RYR2: variants seen among roughly 807,000 people sequenced by gnomAD.
The protein encoded by RYR2 is ryanodine receptor 2.
RYR2 carries 227 observed loss-of-function variants against 601.1 expected under a neutral mutation model. That is an observed-to-expected ratio of 0.38 (90% confidence interval 0.34 to 0.42). RYR2 has a LOEUF of 0.42. RYR2 is among the 10% of genes least tolerant of loss of function. The probability of loss-of-function intolerance (pLI) is 1.00; values close to 1 mark genes in which losing one functional copy is unlikely to be tolerated. For synonymous variants in RYR2, 2,223 were observed against 2,175.1 expected, an observed-to-expected ratio of 1.02 and a Z score of -0.61; for missense variants, 4,646 against 6,156.5, an observed-to-expected ratio of 0.75 and a Z score of 8.21.
chr1:237,715,629 C>T (rs1296493001), intron 71 of RYR2, among the ~76,000 whole-genome samples: 1 of 152,068 alleles, frequency 6.6e-6, no homozygotes, highest in Non-Finnish European at 1.5e-5. Context: ...ACCAAAAGAA[C>T]TTTACAGGTT....
chr1:237,350,206 AGTAAAAGCTATAGGATG>A (rs1698640055), intron 3 of RYR2, among the ~76,000 whole-genome samples: 1 of 152,108 alleles, frequency 6.6e-6, no homozygotes. Flanking sequence ...TTACAGAAAG[AGTAAAAGCTATAGGATG>A]GTAAAGTTGT....
At chr1:237,139,388 T>C (rs922815019) in intron 1 of RYR2, among the ~76,000 whole-genome samples, 2 of 152,034 alleles carry the variant, frequency 1.3e-5, no homozygotes, top group Admixed American at 6.6e-5. Flanking sequence ...AGTGGGAGGA[T>C]TGGGTGGCTA....
intron 1 of RYR2, among the ~76,000 whole-genome samples, chr1:237,143,877 T>C (rs766833815): frequency 2.6e-5 from 4 of 152,150 alleles, no homozygotes; most frequent in Non-Finnish European, 5.9e-5. Context: ...TGAATAAATA[T>C]CCTAGCACTT....
At chr1:237,292,986 A>T (rs1315075275) in intron 2 of RYR2, among the ~76,000 whole-genome samples, 1 of 151,910 alleles carries the variant, frequency 6.6e-6, no homozygotes. Context: ...GATGAAAAAA[A>T]AAAAGTCTTT....
intron 20 of RYR2, among the ~76,000 whole-genome samples, chr1:237,498,796 A>C (rs560434307): frequency 1.1e-4 from 16 of 152,364 alleles, no homozygotes; most frequent in African/African-American, 3.4e-4. Context: ...AATTTAGTGA[A>C]TCTGTGGACA....
At chr1:237,130,204 C>A (rs1392184499) in intron 1 of RYR2, among the ~76,000 whole-genome samples, 2 of 152,072 alleles carry the variant, frequency 1.3e-5, no homozygotes. Context: ...TTGTACACAG[C>A]AAATATACAT....
chr1:237,247,585 G>T (rs1008458001), intron 1 of RYR2, among the ~76,000 whole-genome samples: 3 of 152,160 alleles, frequency 2.0e-5, no homozygotes, highest in African/African-American at 7.2e-5. Context: ...TAAGAAAAGG[G>T]GCTCAGATGA....
intron 2 of RYR2, among the ~76,000 whole-genome samples, chr1:237,326,321 A>G (rs570561771): frequency 6.6e-6 from 1 of 152,192 alleles, no homozygotes; most frequent in Non-Finnish European, 1.5e-5. Flanking sequence ...CTGCTGGCTT[A>G]AAGTCTGTTA....
At chr1:237,057,068 A>T (rs1662241028) in intron 1 of RYR2, among the ~76,000 whole-genome samples, 1 of 152,192 alleles carries the variant, frequency 6.6e-6, no homozygotes, top group African/African-American at 2.4e-5. Flanking sequence ...GAGAGGAGTG[A>T]CCCAGTGAGG....
intron 84 of RYR2, among the ~76,000 whole-genome samples, chr1:237,763,875 A>G (rs549428196): frequency 1.3e-5 from 2 of 152,326 alleles, no homozygotes; most frequent in East Asian, 3.9e-4. Context: ...AGATTCTGTA[A>G]AAGTTAAAAA....
chr1:237,387,807 T>C (rs967451849), intron 9 of RYR2, among the ~76,000 whole-genome samples: 10 of 152,208 alleles, frequency 6.6e-5, no homozygotes, highest in Admixed American at 2.6e-4. Flanking sequence ...CCAACTTACA[T>C]AGGTTCACAT....
At chr1:237,053,887 A>G (rs1193820690) in intron 1 of RYR2, among the ~76,000 whole-genome samples, 1 of 152,186 alleles carries the variant, frequency 6.6e-6, no homozygotes, top group Admixed American at 6.5e-5. Flanking sequence ...TCTCAGACTG[A>G]AAAGGATCTT....
intron 75 of RYR2, among the ~76,000 whole-genome samples, chr1:237,726,670 T>C (rs1433859054): frequency 1.3e-5 from 2 of 152,066 alleles, no homozygotes; most frequent in Non-Finnish European, 2.9e-5. Context: ...AATGGACATA[T>C]GAATAAGAAT....
rs375086252 is a variant in RYR2, at chr1:237,444,047, T to C, written c.1171-1354T>C. Among the ~76,000 whole-genome samples, 6 of 152,306 alleles carry C rather than the reference T, an allele frequency of 3.9e-5. No homozygotes were observed. The South Asian group carries it at 8.3e-4, about 21-fold the overall frequency. On this transcript the variant is annotated intron_variant, in intron 13 of 104. Coordinates refer to ENST00000366574, the MANE Select transcript of RYR2 (RefSeq NM_001035.3). ...CCCTGGAATACCCAGTTTTGTTTGGTTGGTTGATTTTTGGTTTTGCCATGG... is the reference window on the plus strand; with the variant it reads ...CCCTGGAATACCCAGTTTTGTTTGGCTGGTTGATTTTTGGTTTTGCCATGG...
intron 10 of RYR2, among the ~76,000 whole-genome samples, chr1:237,414,907 C>T (rs531651051): frequency 1.3e-5 from 2 of 152,304 alleles, no homozygotes; most frequent in South Asian, 4.1e-4. Flanking sequence ...TTCTACCTCA[C>T]CGAAGACTTG....
intron 84 of RYR2, among the ~76,000 whole-genome samples, chr1:237,764,147 A>G (rs1693652917): frequency 6.6e-6 from 1 of 152,220 alleles, no homozygotes; most frequent in Admixed American, 6.5e-5. Flanking sequence ...ATAAGCTCAA[A>G]TGCATGAACT....
At chr1:237,298,408 T>A (rs965271825) in intron 2 of RYR2, among the ~76,000 whole-genome samples, 7 of 152,102 alleles carry the variant, frequency 4.6e-5, no homozygotes, top group Non-Finnish European at 8.8e-5. Context: ...AGATTATCAA[T>A]GAGATGTGTG....
In RYR2 at chr1:237,148,537, T is replaced by A. The variant is rs1314548451; in HGVS notation, c.48+105968T>A. ...AAGTAAAAAAAAAAAAATATATATATATATATATATATATATACACACACA... is the reference window on the plus strand; with the variant it reads ...AAGTAAAAAAAAAAAAATATATATAAATATATATATATATATACACACACA... On this transcript the variant is annotated intron_variant, in intron 1 of 104. Coordinates refer to ENST00000366574, the MANE Select transcript of RYR2 (RefSeq NM_001035.3). 1.6e-3 allele frequency among the ~76,000 whole-genome samples: 200 copies of A among 128,602 alleles called. 2 individuals carry two copies. Among genetic ancestry groups the A allele is most frequent in the African/African-American group, 5.8e-3 (180 of 31,274 alleles). 84.4% of individuals were successfully genotyped at this position (128,602 alleles called of 152,430 possible).
chr1:237,101,837 G>A (rs1668136398), intron 1 of RYR2, among the ~76,000 whole-genome samples: 1 of 152,158 alleles, frequency 6.6e-6, no homozygotes, highest in African/African-American at 2.4e-5. Context: ...CAGTCAATCA[G>A]CCACTTACTA....
Sources: gnomAD v4.1 joint callset for allele counts (sites outside exome capture counted in the v4.1 genomes callset) on GRCh38, gnomAD v4.1.1 for gene constraint, MANE v1.5 for transcripts, NCBI Gene and HGNC (gene_info 2026-07-23, HGNC 2026-07-21) for gene names.